Variants in MTOR observed in about 807,000 individuals in gnomAD.
The protein encoded by MTOR is mechanistic target of rapamycin kinase.
A neutral mutation model predicts 319.8 loss-of-function variants in MTOR; 70 were observed. That is an observed-to-expected ratio of 0.22 (90% CI 0.18 to 0.27). The LOEUF (loss-of-function observed/expected upper bound fraction) is 0.27, where lower values mean the gene tolerates loss of function less well. Among genes scored for constraint, MTOR ranks in the 10% least tolerant of loss-of-function variants. MTOR has a pLI of 1.00. For missense variants in MTOR, 1,890 were observed against 3,274.4 expected, an observed-to-expected ratio of 0.58 and a Z score of 10.32; for synonymous variants, 1,183 against 1,211.4, an observed-to-expected ratio of 0.98 and a Z score of 0.49.
chr1:11,235,157 A>C (rs1647156968), intron 13 of MTOR, among the ~76,000 whole-genome samples: 1 of 152,224 alleles, frequency 6.6e-6, no homozygotes, highest in Non-Finnish European at 1.5e-5. Context: ...CTGCAGCACC[A>C]AGAAGACATG....
intron 29 of MTOR, among the ~76,000 whole-genome samples, chr1:11,161,435 A>G: frequency 6.6e-6 from 1 of 152,190 alleles, no homozygotes; most frequent in Non-Finnish European, 1.5e-5. Context: ...TGAAGACAAT[A>G]GTGGTTCTCC....
intron 30 of MTOR, among the ~76,000 whole-genome samples, chr1:11,150,779 G>T (rs999226770): frequency 1.3e-5 from 2 of 152,178 alleles, no homozygotes; most frequent in East Asian, 1.9e-4. Flanking sequence ...TGAATGTGAA[G>T]GAGGACTATG....
intron 6 of MTOR, among the ~76,000 whole-genome samples, chr1:11,248,537 C>A (rs923860575): frequency 6.6e-6 from 1 of 152,206 alleles, no homozygotes; most frequent in Non-Finnish European, 1.5e-5. Flanking sequence ...GCAGGCCAGG[C>A]GTGGTGGCTC....
In MTOR at chr1:11,192,119, C is replaced by T. The variant is rs960582575; in HGVS notation, c.4253+7139G>A. The stretch of plus-strand genomic sequence containing the variant: ...GCCAAAATACACCCCCTCTGGATCT[C>T]CCCATATCCACCTCTCCCAAATGCA... On this transcript the variant is annotated intron_variant, in intron 28 of 57. Coordinates refer to ENST00000361445, the MANE Select transcript of MTOR (RefSeq NM_004958.4). The T allele has an allele frequency of 6.1e-6, 4 of 654,786 alleles. No individual in the cohort carries two copies. The East Asian group carries it at 8.0e-5, about 13-fold the overall frequency. The allele number at this position is 654,786 out of a possible 1,614,324, so 40.6% of individuals were successfully genotyped here.
intron 30 of MTOR, among the ~76,000 whole-genome samples, chr1:11,154,098 A>AAAAAAAAAAAAC (rs1644241220): frequency 6.9e-6 from 1 of 144,738 alleles, no homozygotes; most frequent in Non-Finnish European, 1.5e-5. Flanking sequence ...AAAAAAAAAA[A>AAAAAAAAAAAAC]AAAAAGCCAC....
At chr1:11,254,026 G>C (rs2100967141) in intron 5 of MTOR, 53 bp from the exon 6 acceptor site, 1 of 1,607,268 alleles carries the variant, frequency 6.2e-7, no homozygotes, top group Non-Finnish European at 8.5e-7. Flanking sequence ...AACCCAGAAA[G>C]AATACAGGCC....
At chr1:11,138,633 G>C (rs1384558022) in intron 36 of MTOR, among the ~76,000 whole-genome samples, 1 of 152,176 alleles carries the variant, frequency 6.6e-6, no homozygotes, top group Non-Finnish European at 1.5e-5. Context: ...AATGGGGAGA[G>C]AAGGCTAGTG....
chr1:11,145,475 C>G (rs142844395), intron 32 of MTOR, among the ~76,000 whole-genome samples: 608 of 152,256 alleles, frequency 4.0e-3, no homozygotes, highest in African/African-American at 0.013. Flanking sequence ...CTCCCGGGTT[C>G]AAGTGATTCT....
In MTOR at chr1:11,178,155, G is replaced by T. The variant is rs561706173; in HGVS notation, c.4254-10638C>A. Among the ~76,000 whole-genome samples the T allele has an allele frequency of 2.0e-5, 3 of 152,286 alleles. No individual in the cohort carries two copies. In the East Asian group the frequency reaches 5.8e-4, roughly 29 times the overall value. ...ATGGCTCCCATTCAGCACTCTCTATGCTAAGTGAACTGTCCTGCAGAAGTT... is the reference window on the plus strand; with the variant it reads ...ATGGCTCCCATTCAGCACTCTCTATTCTAAGTGAACTGTCCTGCAGAAGTT... On this transcript the variant is annotated intron_variant, in intron 28 of 57. Coordinates refer to ENST00000361445, the MANE Select transcript of MTOR (RefSeq NM_004958.4).
chr1:11,121,152 A>G lies in MTOR; in HGVS notation c.6933+94T>C. ...GCTCTACAGCCAATCACAGCAAAGA[A>G]GAGCCGCTGTGTGCACATGAACAGA... On this transcript the variant is annotated intron_variant, in intron 49 of 57. Transcript: ENST00000361445. This position sits in a 1 kb window ranked among gnomAD's most constrained non-coding sequence, Gnocchi z 4.9. The G allele has an allele frequency of 6.6e-7, 1 of 1,520,158 alleles. No individual in the cohort carries two copies. The highest frequency in any genetic ancestry group is 8.8e-7 in the Non-Finnish European group (1 of 1,130,894). The allele number at this position is 1,520,158 out of a possible 1,614,324, so 94.2% of individuals were successfully genotyped here.
intron 28 of MTOR, among the ~76,000 whole-genome samples, chr1:11,190,616 T>C (rs1645489942): frequency 1.3e-5 from 2 of 152,204 alleles, no homozygotes; most frequent in Non-Finnish European, 2.9e-5. Flanking sequence ...AATGCTGAAA[T>C]ATAGACTTAA....
intron 20 of MTOR, among the ~76,000 whole-genome samples, chr1:11,214,673 G>A (rs1394740818): frequency 6.6e-6 from 1 of 152,142 alleles, no homozygotes; most frequent in Admixed American, 6.5e-5. Context: ...GGTTTAGAAA[G>A]CAAAAACTAT....
chr1:11,118,220 C>G (rs1405987723), intron 49 of MTOR, among the ~76,000 whole-genome samples: 2 of 144,784 alleles, frequency 1.4e-5, no homozygotes. Context: ...AAATTCCAAA[C>G]TTAGTTAATT....
chr1:11,189,836 G>C, intron 28 of MTOR: 1 of 1,614,240 alleles, frequency 6.2e-7, no homozygotes. Context: ...GAGCTGGAGA[G>C]CAACAGCAAG....
intron 19 of MTOR, among the ~76,000 whole-genome samples, chr1:11,227,176 T>C (rs1488948079): frequency 6.6e-6 from 1 of 151,168 alleles, no homozygotes; most frequent in Non-Finnish European, 1.5e-5. Context: ...TGCACCCCTG[T>C]AATCCCAGCT....
intron 57 of MTOR, among the ~76,000 whole-genome samples, chr1:11,107,705 C>T (rs535391889): frequency 7.9e-5 from 12 of 152,154 alleles, no homozygotes; most frequent in Non-Finnish European, 1.3e-4. Context: ...TTCCCCAGCG[C>T]CCGCTCTCTC....
chr1:11,145,119 G>T, intron 32 of MTOR, 74 bp from the exon 33 acceptor site: 1 of 1,235,230 alleles, frequency 8.1e-7, no homozygotes, highest in Non-Finnish European at 1.2e-6. Flanking sequence ...ACCCCAACTA[G>T]CTACAGAAGT....
chr1:11,255,867 T>A, intron 5 of MTOR, 125 bp downstream of exon 5: 2 of 759,644 alleles, frequency 2.6e-6, no homozygotes, highest in Non-Finnish European at 3.8e-6. Context: ...AAAAAAAAAT[T>A]CATTTGAGAG....
intron 28 of MTOR, chr1:11,194,756 C>T (rs953021737): frequency 1.1e-5 from 18 of 1,595,436 alleles, no homozygotes; most frequent in South Asian, 5.6e-5. Context: ...GTTGATATTC[C>T]GGTTTTGGTA....
Sources: allele counts gnomAD v4.1 joint callset (sites outside exome capture counted in the v4.1 genomes callset), GRCh38; gene constraint gnomAD v4.1.1; non-coding constraint Gnocchi (gnomAD v3.1); transcripts MANE v1.5; gene names NCBI Gene and HGNC (gene_info 2026-07-23, HGNC 2026-07-21).